TGDS: variants seen among roughly 807,000 people sequenced by gnomAD.
TGDS encodes the protein TDP-glucose 4,6-dehydratase.
TGDS carries 47 observed loss-of-function variants against 52.3 expected under a neutral mutation model. The ratio of observed to expected loss-of-function variants is 0.90; its 90% CI spans 0.71 to 1.15. The LOEUF is 1.15. Ranked by LOEUF, TGDS falls within the 50% of genes most tolerant of loss-of-function variation. The pLI is 0.00. For missense variants in TGDS, 375 were observed against 418.4 expected, an observed-to-expected ratio of 0.90 and a Z score of 0.90; for synonymous variants, 115 against 136.9, an observed-to-expected ratio of 0.84 and a Z score of 1.12.
At chr13:94,589,720 T>C (rs1889125290) in intron 4 of TGDS, among the ~76,000 whole-genome samples, 1 of 152,072 alleles carries the variant, frequency 6.6e-6, no homozygotes, top group Non-Finnish European at 1.5e-5. Flanking sequence ...AAATACAAAT[T>C]AGAAACATGA....
chr13:94,580,712 A>G (rs527789754), intron 6 of TGDS, among the ~76,000 whole-genome samples: 1 of 152,382 alleles, frequency 6.6e-6, no homozygotes, highest in Admixed American at 6.5e-5. Flanking sequence ...TCAAGATTCA[A>G]GTTATTCCTT....
At chr13:94,590,811 A>C in intron 4 of TGDS, 42 bp downstream of exon 4, 1 of 1,462,954 alleles carries the variant, frequency 6.8e-7, no homozygotes, top group Non-Finnish European at 9.2e-7. Flanking sequence ...GAGGGCGGGG[A>C]GAGAACTGCC....
At chr13:94,596,171 T>C (rs768462608), upstream of TGDS, 5 of 1,603,444 alleles carry the variant, frequency 3.1e-6, no homozygotes, top group African/African-American at 4.0e-5. Context: ...CCGTAAAGAG[T>C]ATGGTCTGAA....
chr13:94,575,626 C>T (rs1297461159), intron 11 of TGDS, among the ~76,000 whole-genome samples: 1 of 151,994 alleles, frequency 6.6e-6, no homozygotes, highest in Non-Finnish European at 1.5e-5. Flanking sequence ...TTTTATATTG[C>T]TATACTATCA....
At chr13:94,581,211 TA>T in intron 5 of TGDS, 22 bp from the exon 6 acceptor site, 1 of 1,434,750 alleles carries the variant, frequency 7.0e-7, no homozygotes, top group Admixed American at 2.0e-5. Context: ...AATATATATT[TA>T]AAAAAGTGTT....
At chr13:94,594,870 G>GA (rs983178973) in intron 1 of TGDS, among the ~76,000 whole-genome samples, 1 of 136,888 alleles carries the variant, frequency 7.3e-6, no homozygotes, top group African/African-American at 2.4e-5. Flanking sequence ...GGGAGGATAG[G>GA]AGAGTTTCCT....
chr13:94,576,326 T>C lies in TGDS; in HGVS notation c.970A>G (p.Ile324Val), dbSNP rs1406502881. 1.3e-6 allele frequency: 2 copies of C among 1,597,040 alleles called. No homozygotes were observed. Among genetic ancestry groups the C allele is most frequent in the Non-Finnish European group, 1.7e-6 (2 of 1,173,028 alleles). Residue 324 changes from isoleucine to valine, a missense_variant, in exon 11 of 12, where the codon ATA becomes GTA. Coordinates refer to ENST00000261296, the MANE Select transcript of TGDS (RefSeq NM_014305.4). The part of the protein sequence containing the change: ...WRPKVPWKEG[I>V]KKTIEWYREN... ...ATTCAAAACATACTTGTTTTCTTTATTCCTTCTTTCCAAGGCACTTTAGGT... is the reference window on the plus strand; with the variant it reads ...ATTCAAAACATACTTGTTTTCTTTACTCCTTCTTTCCAAGGCACTTTAGGT...
In TGDS at chr13:94,590,946, A is replaced by G. The variant is rs748989494; in HGVS notation, c.223-3T>C. 7.0e-6 allele frequency: 11 copies of G among 1,565,934 alleles called. No individual in the cohort carries two copies. The highest frequency in any genetic ancestry group is 9.5e-6 in the Non-Finnish European group (11 of 1,163,408). On this transcript the variant is annotated splice_polypyrimidine_tract_variant and splice_region_variant and intron_variant, in intron 3 of 11. Coordinates refer to ENST00000261296, the MANE Select transcript of TGDS (RefSeq NM_014305.4). Reference sequence around the variant, plus strand: ...AAGTGAGAATCACATATGTCACCCTATATGAAAAAGCAAACATGAAAGGGC... The same window carrying G: ...AAGTGAGAATCACATATGTCACCCTGTATGAAAAAGCAAACATGAAAGGGC...
chr13:94,593,727 C>T (rs1889281942), intron 2 of TGDS, 114 bp downstream of exon 2: 1 of 796,964 alleles, frequency 1.3e-6, no homozygotes, highest in South Asian at 1.6e-5. Context: ...CTCTGAATTG[C>T]TAAAATGACT....
At chr13:94,587,919 C>T (rs927054915) in intron 4 of TGDS, among the ~76,000 whole-genome samples, 6 of 146,822 alleles carry the variant, frequency 4.1e-5, no homozygotes, top group African/African-American at 1.5e-4. Context: ...ATGGCATGAA[C>T]CCAGGAGGCA....
chr13:94,590,419 C>T (rs747575955), intron 4 of TGDS, among the ~76,000 whole-genome samples: 34 of 151,804 alleles, frequency 2.2e-4, no homozygotes, highest in Non-Finnish European at 4.6e-4. Flanking sequence ...TACATGGGTA[C>T]TCCATTATCA....
intron 4 of TGDS, among the ~76,000 whole-genome samples, chr13:94,583,975 C>A (rs1221043717): frequency 6.6e-6 from 1 of 151,968 alleles, no homozygotes; most frequent in Non-Finnish European, 1.5e-5. Context: ...TAAGAAAAAC[C>A]CAAATTAAAA....
At chr13:94,579,324 G>T (rs1283294908) in intron 7 of TGDS, 1 of 152,546 alleles carries the variant, frequency 6.6e-6, no homozygotes, top group Non-Finnish European at 1.5e-5. Flanking sequence ...ATAAAATCAG[G>T]CTTGATGATA....
chr13:94,583,011 A>G (rs1323464302), intron 5 of TGDS, 83 bp downstream of exon 5: 9 of 1,451,642 alleles, frequency 6.2e-6, no homozygotes, highest in Non-Finnish European at 8.4e-6. Flanking sequence ...TAATTTGAGG[A>G]TGAAAAAAGC....
intron 8 of TGDS, 52 bp from the exon 9 acceptor site, chr13:94,578,222 C>G: frequency 6.4e-7 from 1 of 1,563,402 alleles, no homozygotes; most frequent in Non-Finnish European, 8.8e-7. Flanking sequence ...GTAAACTCTC[C>G]TAAAGCATTG....
At chr13:94,595,984 G>A (rs1889361581) in intron 1 of TGDS, 67 bp downstream of exon 1, 2 of 1,592,000 alleles carry the variant, frequency 1.3e-6, no homozygotes, top group South Asian at 1.1e-5. Context: ...CCTAGGGCAA[G>A]CAGAGCTGCG....
In TGDS at chr13:94,596,050, C is replaced by T. The variant is rs1199793303; in HGVS notation, c.86+1G>A. 4.3e-6 allele frequency: 7 copies of T among 1,613,926 alleles called. No homozygotes were observed. Among genetic ancestry groups the T allele is most frequent in the Admixed American group, 1.7e-5 (1 of 59,994 alleles). Reference sequence around the variant, plus strand: ...GCTTGGCTAGCGGCGCCATTACCTACATGAAACCAGCACCGCCGGTCACCA... The same window carrying T: ...GCTTGGCTAGCGGCGCCATTACCTATATGAAACCAGCACCGCCGGTCACCA... On this transcript the variant is annotated splice_donor_variant, in intron 1 of 11. Coordinates refer to ENST00000261296, the MANE Select transcript of TGDS (RefSeq NM_014305.4). LOFTEE classifies it high-confidence loss of function.
rs373260225 is a variant in TGDS at position 94,574,651 on chromosome 13, T to C, written c.*131A>G. 113 of 583,178 alleles carry C rather than the reference T, an allele frequency of 1.9e-4. No homozygotes were observed. In the South Asian group the frequency reaches 2.6e-3, roughly 13 times the overall value. The allele number at this position is 583,178 out of a possible 1,614,324, so 36.1% of individuals were successfully genotyped here. ...AGATTGAGGCATTCTGCATTTGAAT[T>C]TTATACAGAAAGTCATGAATCTAAT... On this transcript the variant is annotated 3_prime_UTR_variant, in exon 12 of 12. Transcript: ENST00000261296.
At chr13:94,575,149 A>C (rs1183781703) in intron 11 of TGDS, among the ~76,000 whole-genome samples, 2 of 152,042 alleles carry the variant, frequency 1.3e-5, no homozygotes, top group African/African-American at 4.8e-5. Context: ...GATTTTAAGG[A>C]ATTTGGGGTG....
Sources: allele counts gnomAD v4.1 joint callset (sites outside exome capture counted in the v4.1 genomes callset), GRCh38; gene constraint gnomAD v4.1.1; transcripts MANE v1.5; gene names NCBI Gene and HGNC (gene_info 2026-07-23, HGNC 2026-07-21).